Variants in BMPR1B observed in about 807,000 individuals in gnomAD.
BMPR1B encodes bone morphogenetic protein receptor type-1B.
Under a neutral mutation model 59.1 loss-of-function variants are expected in BMPR1B, and 12 were observed. The ratio of observed to expected loss-of-function variants is 0.20; its 90% CI spans 0.13 to 0.33. The LOEUF is 0.33. Among genes scored for constraint, BMPR1B ranks in the 10% least tolerant of loss-of-function variants. The pLI, the probability that BMPR1B is intolerant of heterozygous loss-of-function variation, is 1.00. For missense variants in BMPR1B, 550 were observed against 610.9 expected, an observed-to-expected ratio of 0.90 and a Z score of 1.05; for synonymous variants, 237 against 207.3, an observed-to-expected ratio of 1.14 and a Z score of -1.23.
chr4:95,131,964 A>G (rs1404252634), intron 10 of BMPR1B, among the ~76,000 whole-genome samples: 5 of 152,226 alleles, frequency 3.3e-5, no homozygotes, highest in Admixed American at 3.3e-4. Flanking sequence ...CAGTACTGTT[A>G]TCCTGTACCT....
intron 2 of BMPR1B, among the ~76,000 whole-genome samples, chr4:94,913,649 C>CTGTG (rs140050722): frequency 0.027 from 3,997 of 150,614 alleles, 173 homozygotes; most frequent in African/African-American, 0.091. Flanking sequence ...TTAATTATCT[C>CTGTG]TGTGTGTGTG....
chr4:94,911,972 A>C (rs547001124), intron 2 of BMPR1B, among the ~76,000 whole-genome samples: 7 of 152,290 alleles, frequency 4.6e-5, no homozygotes, highest in African/African-American at 1.7e-4. Context: ...TTTACAAAAG[A>C]AAGAGGTTTA....
intron 1 of BMPR1B, among the ~76,000 whole-genome samples, chr4:94,832,608 C>T (rs1033583104): frequency 2.0e-5 from 3 of 151,904 alleles, no homozygotes; most frequent in East Asian, 1.9e-4. Context: ...CATGGTAAAA[C>T]ACCGTCTCTA....
intron 3 of BMPR1B, among the ~76,000 whole-genome samples, chr4:95,066,886 G>C (rs1435874273): frequency 6.6e-6 from 1 of 152,170 alleles, no homozygotes; most frequent in African/African-American, 2.4e-5. Flanking sequence ...GTGAATAACA[G>C]GCAATGGAAA....
chr4:95,030,694 A>G (rs139266311), intron 3 of BMPR1B, among the ~76,000 whole-genome samples: 1,675 of 152,272 alleles, frequency 0.011, 19 homozygotes, highest in African/African-American at 0.037. Context: ...AAATCAATGT[A>G]CAAAAATCAC....
At chr4:95,150,065 A>G (rs566425764) in intron 11 of BMPR1B, among the ~76,000 whole-genome samples, 67 of 152,344 alleles carry the variant, frequency 4.4e-4, no homozygotes, top group Middle Eastern at 6.8e-3. Context: ...ACAGTTAATC[A>G]ACCTGCATTC....
intron 1 of BMPR1B, among the ~76,000 whole-genome samples, chr4:94,815,013 C>A (rs929633729): frequency 2.0e-5 from 3 of 152,060 alleles, no homozygotes; most frequent in African/African-American, 7.3e-5. Flanking sequence ...AAGCTATTCT[C>A]CTACCTCAGG....
intron 3 of BMPR1B, among the ~76,000 whole-genome samples, chr4:95,020,879 G>A (rs1172760533): frequency 6.6e-6 from 1 of 151,936 alleles, no homozygotes; most frequent in Non-Finnish European, 1.5e-5. Context: ...ACCATCTAAT[G>A]TTTTTAATTT....
intron 2 of BMPR1B, among the ~76,000 whole-genome samples, chr4:94,990,304 G>T (rs556774736): frequency 3.9e-5 from 6 of 152,184 alleles, no homozygotes; most frequent in African/African-American, 1.4e-4. Context: ...GCAGTGAGCC[G>T]AAATCATGCC....
At chr4:95,018,044 TC>T (rs1261719590) in intron 3 of BMPR1B, among the ~76,000 whole-genome samples, 1 of 152,218 alleles carries the variant, frequency 6.6e-6, no homozygotes, top group African/African-American at 2.4e-5. Flanking sequence ...GATAATACTA[TC>T]TTTTTAATAA....
intron 4 of BMPR1B, among the ~76,000 whole-genome samples, chr4:95,105,415 A>G (rs1157575534): frequency 1.3e-5 from 2 of 151,982 alleles, no homozygotes; most frequent in Admixed American, 6.6e-5. Flanking sequence ...CCCAGGTAGA[A>G]TATCTGAGCA....
chr4:95,128,385 T>C (rs1465303608), intron 8 of BMPR1B, among the ~76,000 whole-genome samples: 1 of 152,222 alleles, frequency 6.6e-6, no homozygotes, highest in African/African-American at 2.4e-5. Context: ...TCAGGTGTTA[T>C]AAGAGTTATA....
chr4:94,807,638 A>G (rs956895294), intron 1 of BMPR1B, among the ~76,000 whole-genome samples: 4 of 152,196 alleles, frequency 2.6e-5, no homozygotes, highest in African/African-American at 9.7e-5. Flanking sequence ...AATTCAGTCT[A>G]GGTCCAGCAA....
In BMPR1B at chr4:95,069,484, A is replaced by C. The variant is rs573069307; in HGVS notation, c.-17-34924A>C. 9.2e-5 allele frequency among the ~76,000 whole-genome samples: 14 copies of C among 152,186 alleles called. No homozygotes were observed. The South Asian group carries it at 2.7e-3, about 29-fold the overall frequency. On this transcript the variant is annotated intron_variant, in intron 3 of 12. Coordinates refer to ENST00000515059, the MANE Select transcript of BMPR1B (RefSeq NM_001203.3). ...CTAGAACACATTTCCCCTTTTCTTT[A>C]CAACTCACTCTCTTCATCCTTCCCT...
intron 2 of BMPR1B, among the ~76,000 whole-genome samples, chr4:94,941,895 A>G (rs1444858407): frequency 6.6e-6 from 1 of 152,224 alleles, no homozygotes; most frequent in African/African-American, 2.4e-5. Context: ...TCCGTCTCCA[A>G]CAGGTGTTCT....
chr4:94,771,527 C>T lies in BMPR1B; in HGVS notation c.-183+13459C>T, dbSNP rs920775820. The stretch of plus-strand genomic sequence containing the variant: ...GAAAGGTTGATAATTAAAGAGCCTT[C>T]GAGATAAAGACTTGGGTTATCAATC... On this transcript the variant is annotated intron_variant, in intron 1 of 12. Transcript: ENST00000515059. 5.9e-5 allele frequency among the ~76,000 whole-genome samples: 9 copies of T among 152,084 alleles called. No individual in the cohort carries two copies. The East Asian group carries it at 7.7e-4, about 13-fold the overall frequency.
intron 3 of BMPR1B, among the ~76,000 whole-genome samples, chr4:95,006,494 A>G (rs1722844350): frequency 6.6e-6 from 1 of 151,664 alleles, no homozygotes; most frequent in Non-Finnish European, 1.5e-5. Context: ...AATACTTACG[A>G]TTATGTAGGT....
chr4:95,152,114 A>T (rs562116616), intron 11 of BMPR1B, among the ~76,000 whole-genome samples: 1 of 152,300 alleles, frequency 6.6e-6, no homozygotes, highest in Admixed American at 6.5e-5. Context: ...TTCATGGTTA[A>T]TATTTTTGGG....
intron 1 of BMPR1B, among the ~76,000 whole-genome samples, chr4:94,839,808 G>A (rs1724979111): frequency 6.8e-6 from 1 of 146,910 alleles, no homozygotes; most frequent in African/African-American, 2.5e-5. Flanking sequence ...TCATTATGAT[G>A]TTAGCTGGTT....
Sources: gnomAD v4.1 joint callset for allele counts (sites outside exome capture counted in the v4.1 genomes callset) on GRCh38, gnomAD v4.1.1 for gene constraint, MANE v1.5 for transcripts, NCBI Gene and HGNC (gene_info 2026-07-23, HGNC 2026-07-21) for gene names.